CAMKMT: variants seen among roughly 807,000 people sequenced by gnomAD.
The protein encoded by CAMKMT is CaM KMT.
CAMKMT carries 53 observed loss-of-function variants against 48.0 expected under a neutral mutation model. The observed-to-expected ratio is 1.10, with a 90% CI of 0.89 to 1.39. The LOEUF (loss-of-function observed/expected upper bound fraction) is 1.39, where lower values mean the gene tolerates loss of function less well. Ranked by LOEUF, CAMKMT falls within the 40% of genes most tolerant of loss-of-function variation. The probability of loss-of-function intolerance (pLI) is 0.00; values close to 1 mark genes in which losing one functional copy is unlikely to be tolerated. For missense variants in CAMKMT, 428 were observed against 402.7 expected (o/e 1.06, Z -0.54); for synonymous variants, 165 against 152.3 (o/e 1.08, Z -0.61).
At chr2:44,684,731 C>G (rs945835669) in intron 3 of CAMKMT, among the ~76,000 whole-genome samples, 3 of 152,170 alleles carry the variant, frequency 2.0e-5, no homozygotes, top group Admixed American at 6.5e-5. Flanking sequence ...AACTGGTAAG[C>G]ATGCACCTTT....
At chr2:44,514,201 G>A (rs1428915780) in intron 3 of CAMKMT, among the ~76,000 whole-genome samples, 1 of 151,984 alleles carries the variant, frequency 6.6e-6, no homozygotes, top group African/African-American at 2.4e-5. Flanking sequence ...AGGAGGTGAA[G>A]AATCTGAATT....
At position 44,657,954 on chromosome 2, in the gene CAMKMT, A is replaced by C. The variant is rs1017839098; in HGVS notation, c.377-46329A>C. Among the ~76,000 whole-genome samples the C allele has an allele frequency of 6.6e-6, 1 of 152,162 alleles. No individual in the cohort carries two copies. The highest frequency in any genetic ancestry group is 2.4e-5 in the African/African-American group (1 of 41,438). On this transcript the variant is annotated intron_variant, in intron 3 of 10. Transcript: ENST00000378494. The surrounding 1 kb of genome is among the most constrained non-coding windows in gnomAD (Gnocchi z 4.3). ...CTCTGTTTTTATATAAAATAATGGT[A>C]TCTCTCTCCTCAAATTATTTTTCAC...
chr2:44,536,425 A>G (rs1411794298), intron 3 of CAMKMT, among the ~76,000 whole-genome samples: 4 of 151,362 alleles, frequency 2.6e-5, no homozygotes, highest in Non-Finnish European at 1.5e-5. Context: ...CCTGGGTTCC[A>G]GTGATTCTCC....
chr2:44,439,100 T>C (rs1206111451), intron 3 of CAMKMT, among the ~76,000 whole-genome samples: 1 of 152,234 alleles, frequency 6.6e-6, no homozygotes, highest in African/African-American at 2.4e-5. Context: ...AAAGTAACCA[T>C]ACTTTCCTGG....
At chr2:44,367,505 G>A (rs150734555) in intron 1 of CAMKMT, among the ~76,000 whole-genome samples, 3 of 152,232 alleles carry the variant, frequency 2.0e-5, no homozygotes, top group African/African-American at 7.2e-5. Context: ...GTTTAGACTT[G>A]GGTCCCATCC....
chr2:44,390,279 C>A lies in CAMKMT; in HGVS notation c.350C>A (p.Thr117Asn), dbSNP rs1308206018. ...TCCTTGAATGTTGAAGATGTCCTTA[C>A]CAGCTTTGACAATACAGGAAATGTT... is the stretch of plus-strand genomic sequence containing the variant. ...SGSLNVEDVL[T>N]SFDNTGNVCI... The change falls in exon 3 of 11, where the codon ACC becomes AAC. Residue 117 changes from threonine to asparagine, a missense_variant. Transcript: ENST00000378494. 1 of 1,609,246 alleles carries A rather than the reference C, an allele frequency of 6.2e-7. No individual in the cohort carries two copies. Among genetic ancestry groups the A allele is most frequent in the South Asian group, 1.1e-5 (1 of 90,484 alleles).
intron 3 of CAMKMT, among the ~76,000 whole-genome samples, chr2:44,411,219 G>C (rs919551362): frequency 2.0e-5 from 3 of 152,164 alleles, no homozygotes; most frequent in African/African-American, 7.2e-5. Flanking sequence ...TGTTAGGGTA[G>C]GTATTTTTGT....
rs141222233 is a variant in CAMKMT at position 44,675,500 on chromosome 2, C to G, written c.377-28783C>G. Among the ~76,000 whole-genome samples the G allele has an allele frequency of 7.4e-3, 1,126 of 152,034 alleles. 7 individuals carry two copies. Among genetic ancestry groups the G allele is most frequent in the Non-Finnish European group, 0.012 (841 of 68,000 alleles). On this transcript the variant is annotated intron_variant, in intron 3 of 10. Coordinates refer to ENST00000378494, the MANE Select transcript of CAMKMT (RefSeq NM_024766.5). ...TTCTCCTTCTTTCTTTTCCTTCTTC[C>G]TTTCTGGTAAGAGAGGAAAAGAAAC...
At chr2:44,630,428 G>A (rs1672746372) in intron 3 of CAMKMT, among the ~76,000 whole-genome samples, 1 of 149,954 alleles carries the variant, frequency 6.7e-6, no homozygotes. Flanking sequence ...CTTCTGCACA[G>A]CAAAAGAAAC....
At chr2:44,760,024 C>T (rs1048084736) in intron 9 of CAMKMT, among the ~76,000 whole-genome samples, 8 of 152,170 alleles carry the variant, frequency 5.3e-5, no homozygotes, top group Admixed American at 1.3e-4. Flanking sequence ...TTGGCACTGA[C>T]GCCATTCCTA....
intron 3 of CAMKMT, among the ~76,000 whole-genome samples, chr2:44,626,754 T>C (rs1672505269): frequency 6.6e-6 from 1 of 152,156 alleles, no homozygotes; most frequent in African/African-American, 2.4e-5. Context: ...GGGGTTAGGA[T>C]TTCAACATAT....
Position 44,672,205 on chromosome 2 carries a change from A to G in CAMKMT, c.377-32078A>G, listed in dbSNP as rs537113586. 1.4e-4 allele frequency among the ~76,000 whole-genome samples: 21 copies of G among 152,216 alleles called. No individual in the cohort carries two copies. The South Asian group carries it at 3.7e-3, about 27-fold the overall frequency. On this transcript the variant is annotated intron_variant, in intron 3 of 10. Coordinates refer to ENST00000378494, the MANE Select transcript of CAMKMT (RefSeq NM_024766.5). ...CACCCTGATTACTCTTTGGATGTAT[A>G]ATGGGGAGATAGCCGCATGCAGACT...
At chr2:44,766,240 A>G (rs1680836006) in intron 9 of CAMKMT, among the ~76,000 whole-genome samples, 190 bp from the exon 10 acceptor site, 1 of 152,222 alleles carries the variant, frequency 6.6e-6, no homozygotes, top group African/African-American at 2.4e-5. Context: ...TGGATGTGAA[A>G]TCGATTCTTA....
chr2:44,478,924 C>T (rs1268088001), intron 3 of CAMKMT, among the ~76,000 whole-genome samples: 1 of 152,166 alleles, frequency 6.6e-6, no homozygotes, highest in African/African-American at 2.4e-5. Context: ...TGGTCTCGAT[C>T]TCCTGACCTC....
chr2:44,461,373 C>T (rs964241558), intron 3 of CAMKMT, among the ~76,000 whole-genome samples: 2 of 151,872 alleles, frequency 1.3e-5, no homozygotes, highest in African/African-American at 2.4e-5. Context: ...CTATTATTCC[C>T]AGATGAGGAA....
At chr2:44,568,699 A>C (rs1668744079) in intron 3 of CAMKMT, among the ~76,000 whole-genome samples, 2 of 152,166 alleles carry the variant, frequency 1.3e-5, no homozygotes, top group South Asian at 4.1e-4. Context: ...TGGACATGGC[A>C]GGGGTTTTTG....
intron 3 of CAMKMT, among the ~76,000 whole-genome samples, chr2:44,561,731 C>T (rs916400798): frequency 6.6e-6 from 1 of 152,142 alleles, no homozygotes; most frequent in Non-Finnish European, 1.5e-5. Context: ...GCAAGTTGCA[C>T]TTAAGACATT....
intron 4 of CAMKMT, chr2:44,705,436 A>G (rs1262302593): frequency 1.0e-6 from 1 of 985,272 alleles, no homozygotes; most frequent in Middle Eastern, 5.2e-4. Context: ...GCATTTGTTC[A>G]TCTCGCTGTG....
chr2:44,756,942 G>A (rs1022022677), intron 9 of CAMKMT, among the ~76,000 whole-genome samples: 3 of 152,226 alleles, frequency 2.0e-5, no homozygotes, highest in Non-Finnish European at 4.4e-5. Context: ...AGTGTAGTGG[G>A]TGGAAAGAGT....
Sources: gnomAD v4.1 joint callset for allele counts (sites outside exome capture counted in the v4.1 genomes callset) on GRCh38, gnomAD v4.1.1 for gene constraint, Gnocchi (gnomAD v3.1) non-coding constraint, MANE v1.5 for transcripts, NCBI Gene and HGNC (gene_info 2026-07-23, HGNC 2026-07-21) for gene names.